The following ATRNL1 variants were observed in gnomAD, a reference collection of about 807,000 sequenced individuals.
ATRNL1 encodes attractin-like protein 1.
A neutral mutation model predicts 182.7 loss-of-function variants in ATRNL1; 95 were observed. The ratio of observed to expected loss-of-function variants is 0.52; its 90% CI spans 0.44 to 0.62. ATRNL1 has a LOEUF of 0.62. ATRNL1 is among the 20% of genes least tolerant of loss of function. ATRNL1 has a pLI of 0.00. For synonymous variants in ATRNL1, 576 were observed against 568.3 expected, an observed-to-expected ratio of 1.01 and a Z score of -0.19; for missense variants, 1,471 against 1,679.5, an observed-to-expected ratio of 0.88 and a Z score of 2.17.
chr10:115,526,626 G>A lies in ATRNL1; in HGVS notation c.3716+7302G>A, dbSNP rs189235129. ...CACCAACATGGATGTTGTCCTCTTA[G>A]CCTGCCAATCAGTGAGTGAATCAGT... On this transcript the variant is annotated intron_variant, in intron 25 of 28. Transcript: ENST00000355044. Among the ~76,000 whole-genome samples the A allele has an allele frequency of 4.1e-3, 620 of 152,280 alleles. 17 individuals are homozygous for A. The highest frequency in any genetic ancestry group is 0.036 in the Admixed American group (554 of 15,300).
At chr10:115,768,339 AC>A (rs1555075528) in intron 27 of ATRNL1, among the ~76,000 whole-genome samples, 2 of 150,904 alleles carry the variant, frequency 1.3e-5, no homozygotes, top group African/African-American at 4.9e-5. Context: ...TGCTTAAAAA[AC>A]CCTTTTTCTT....
intron 26 of ATRNL1, among the ~76,000 whole-genome samples, chr10:115,590,922 G>A (rs1489640863): frequency 6.6e-6 from 1 of 152,110 alleles, no homozygotes; most frequent in African/African-American, 2.4e-5. Flanking sequence ...CAACTCCCTA[G>A]TTATTGTTCA....
chr10:115,667,806 G>A (rs1378878199), intron 26 of ATRNL1, among the ~76,000 whole-genome samples: 1 of 151,906 alleles, frequency 6.6e-6, no homozygotes, highest in Admixed American at 6.6e-5. Context: ...ACAGGTGTGG[G>A]CTACCATGAC....
intron 27 of ATRNL1, among the ~76,000 whole-genome samples, chr10:115,755,189 A>G (rs1948553987): frequency 1.3e-5 from 2 of 152,150 alleles, no homozygotes; most frequent in African/African-American, 4.8e-5. Context: ...TGCCCTGGCC[A>G]GAACTTCCAA....
intron 18 of ATRNL1, among the ~76,000 whole-genome samples, chr10:115,325,229 C>T (rs531870898): frequency 3.9e-5 from 6 of 152,128 alleles, no homozygotes; most frequent in East Asian, 1.9e-4. Context: ...TGGATGACTT[C>T]TCTTTAGTTT....
chr10:115,171,416 A>C lies in ATRNL1; in HGVS notation c.1348+124A>C, dbSNP rs781968906. ...AGATTGAAATTATAAGCTGATAATT[A>C]ATAATTTTTAATATAAGCTTTTTTG... On this transcript the variant is annotated intron_variant, in intron 8 of 28. Transcript: ENST00000355044. 3 of 784,100 alleles carry C rather than the reference A, an allele frequency of 3.8e-6. No homozygotes were observed. The Admixed American group carries it at 1.1e-4, about 30-fold the overall frequency. 48.6% of individuals were successfully genotyped at this position (784,100 alleles called of 1,614,324 possible).
chr10:115,464,309 A>G (rs1432024127), intron 22 of ATRNL1, among the ~76,000 whole-genome samples: 2 of 150,382 alleles, frequency 1.3e-5, no homozygotes, highest in African/African-American at 4.9e-5. Context: ...TAAAAAGTAG[A>G]TAATTATTTA....
At chr10:115,457,610 C>T (rs782654468) in intron 21 of ATRNL1, among the ~76,000 whole-genome samples, 1 of 151,974 alleles carries the variant, frequency 6.6e-6, no homozygotes, top group Non-Finnish European at 1.5e-5. Flanking sequence ...TTCCCAACCC[C>T]TCATCCTCCA....
At chr10:115,919,973 G>A (rs1166631571) in intron 28 of ATRNL1, among the ~76,000 whole-genome samples, 1 of 152,064 alleles carries the variant, frequency 6.6e-6, no homozygotes, top group African/African-American at 2.4e-5. Context: ...TCACATTGTG[G>A]GCTAAGATTT....
intron 19 of ATRNL1, among the ~76,000 whole-genome samples, chr10:115,336,470 A>G (rs2134080035): frequency 6.6e-6 from 1 of 152,278 alleles, no homozygotes; most frequent in African/African-American, 2.4e-5. Context: ...ATGGCCATAC[A>G]TTTTATTGGA....
chr10:115,748,973 C>T (rs899089215), intron 27 of ATRNL1, among the ~76,000 whole-genome samples: 5 of 151,744 alleles, frequency 3.3e-5, no homozygotes, highest in Non-Finnish European at 7.4e-5. Context: ...ATGTATAAGA[C>T]ATTTTACTAG....
Position 115,167,302 on chromosome 10 carries a change from G to C in ATRNL1, c.1092+1657G>C, listed in dbSNP as rs1592201016. ...GTACCGTACTATTTAGATTACTGTAGCTTTTTAATAAGTTTTGAAGTTAAG... is the reference window on the plus strand; with the variant it reads ...GTACCGTACTATTTAGATTACTGTACCTTTTTAATAAGTTTTGAAGTTAAG... On this transcript the variant is annotated intron_variant, in intron 7 of 28. Transcript: ENST00000355044. 2.0e-5 allele frequency among the ~76,000 whole-genome samples: 3 copies of C among 151,894 alleles called. No individual in the cohort carries two copies. In the East Asian group the frequency reaches 5.8e-4, roughly 29 times the overall value.
chr10:115,667,173 T>C (rs1391981951), intron 26 of ATRNL1, among the ~76,000 whole-genome samples: 1 of 152,116 alleles, frequency 6.6e-6, no homozygotes, highest in Non-Finnish European at 1.5e-5. Flanking sequence ...CCTTACACTT[T>C]GTCTTCCAGT....
rs556677886 is a variant in ATRNL1 at position 115,514,495 on chromosome 10, A to T, written c.3655-4768A>T. Among the ~76,000 whole-genome samples the T allele has an allele frequency of 9.2e-5, 14 of 151,836 alleles. No homozygotes were observed. In the East Asian group the frequency reaches 2.7e-3, roughly 29 times the overall value. On this transcript the variant is annotated intron_variant, in intron 24 of 28. Coordinates refer to ENST00000355044, the MANE Select transcript of ATRNL1 (RefSeq NM_207303.4). ...GCAGATGTAAAAAAAATATATAGAG[A>T]TGTTTCATGTGTGCCTATGTCTTGC...
At chr10:115,424,348 C>A (rs1343034456) in intron 20 of ATRNL1, among the ~76,000 whole-genome samples, 1 of 152,168 alleles carries the variant, frequency 6.6e-6, no homozygotes, top group Non-Finnish European at 1.5e-5. Flanking sequence ...CACATTAATA[C>A]AGCTGTTTGT....
chr10:115,559,468 G>T (rs117831843), intron 26 of ATRNL1, among the ~76,000 whole-genome samples: 1 of 150,630 alleles, frequency 6.6e-6, no homozygotes, highest in Non-Finnish European at 1.5e-5. Flanking sequence ...ACGCACATGC[G>T]CAACCCTTCT....
chr10:115,663,906 G>A (rs782568743), intron 26 of ATRNL1, among the ~76,000 whole-genome samples: 3 of 152,026 alleles, frequency 2.0e-5, no homozygotes, highest in Admixed American at 6.6e-5. Context: ...ATATTACTCC[G>A]ATGTAGCCAA....
chr10:115,449,751 C>T (rs753223823), intron 21 of ATRNL1, among the ~76,000 whole-genome samples: 7 of 152,182 alleles, frequency 4.6e-5, no homozygotes, highest in African/African-American at 7.2e-5. Context: ...AAGTGAGGCA[C>T]CCCTTTTGTG....
intron 27 of ATRNL1, among the ~76,000 whole-genome samples, chr10:115,739,097 G>C (rs1440819149): frequency 6.6e-6 from 1 of 152,018 alleles, no homozygotes; most frequent in Non-Finnish European, 1.5e-5. Flanking sequence ...AAAATGTAAA[G>C]ATGAAAATGA....
Sources: allele counts gnomAD v4.1 joint callset (sites outside exome capture counted in the v4.1 genomes callset), GRCh38; gene constraint gnomAD v4.1.1; transcripts MANE v1.5; gene names NCBI Gene and HGNC (gene_info 2026-07-23, HGNC 2026-07-21).